Variants in XIST observed in about 807,000 individuals in gnomAD.
XIST encodes the protein X inactive specific transcript (non-protein coding).
At chrX:73,849,166 G>C in exon 1 of XIST, 1 of 559,251 alleles carries the variant, frequency 1.8e-6, no homozygotes, top group East Asian at 3.2e-5. Context: ...TGATTAATGG[G>C]TGAGACAATT....
chrX:73,821,895 G>C, exon 6 of XIST: 1 of 554,462 alleles, frequency 1.8e-6, no homozygotes, highest in Non-Finnish European at 3.3e-6. Flanking sequence ...GAGCAGATTT[G>C]ATGATAAAAA....
chrX:73,820,749 G>A (rs1922090621), exon 6 of XIST: 1 of 556,601 alleles, frequency 1.8e-6, no homozygotes, highest in East Asian at 3.3e-5. Flanking sequence ...ACTTTCTGGT[G>A]GTCACCCATG....
exon 1 of XIST, chrX:73,843,581 G>C: frequency 1.8e-6 from 1 of 558,927 alleles, no homozygotes; most frequent in Non-Finnish European, 3.2e-6. Flanking sequence ...TAGTCTAAAA[G>C]AAGAGGTGGA....
At chrX:73,821,506 T>A (rs761770648) in exon 6 of XIST, 2 of 557,858 alleles carry the variant, frequency 3.6e-6, no homozygotes, top group Non-Finnish European at 6.5e-6. Context: ...TTTTCAAAAA[T>A]GTAAAGCAAA....
rs1049196858 is a variant in XIST, at chrX:73,825,016, T to A, written n.14885A>T. 2.3e-5 allele frequency: 12 copies of A among 513,757 alleles called. No individual in the cohort carries two copies. The Admixed American group carries it at 2.4e-4, about 10-fold the overall frequency. The allele number at this position is 513,757 out of a possible 1,213,427, so 42.3% of individuals were successfully genotyped here. On this transcript the variant is annotated non_coding_transcript_exon_variant, in exon 6 of 6. Coordinates refer to ENST00000429829, the Ensembl canonical transcript of XIST. ...TTCATAAATATGTAGCCCATTGACA[T>A]TTGTATCATGCTTTAGTTTACAAAG...
exon 1 of XIST, chrX:73,842,694 G>A (rs771756351): frequency 3.6e-6 from 2 of 556,252 alleles, no homozygotes; most frequent in Admixed American, 4.5e-5. Flanking sequence ...AAAGGAAGTA[G>A]AGGGGTTCAT....
chrX:73,848,070 T>C (rs1456656087), exon 1 of XIST: 15 of 557,230 alleles, frequency 2.7e-5, no homozygotes, highest in Middle Eastern at 3.1e-4. Flanking sequence ...GAGGGACAAA[T>C]GCAAGTAGCA....
chrX:73,851,232 C>T (rs761574481), exon 1 of XIST: 3 of 558,237 alleles, frequency 5.4e-6, no homozygotes, highest in Middle Eastern at 3.1e-4. Flanking sequence ...GCGGCAAGCC[C>T]GCCATGATGT....
At chrX:73,835,301 G>A (rs1922462415) in intron 2 of XIST, among the ~76,000 whole-genome samples, 1 of 112,033 alleles carries the variant, frequency 8.9e-6, no homozygotes, top group Admixed American at 9.5e-5. Flanking sequence ...TTCTAGTTTT[G>A]TTGCCTGGGG....
At chrX:73,840,866 G>C (rs1476877422) in intron 1 of XIST, among the ~76,000 whole-genome samples, 1 of 111,243 alleles carries the variant, frequency 9.0e-6, no homozygotes, top group Non-Finnish European at 1.9e-5. Flanking sequence ...AAAAACAAAT[G>C]AAATTAAAAT....
At chrX:73,852,707 A>C (rs1006012765) in exon 1 of XIST, 9 of 437,915 alleles carry the variant, frequency 2.1e-5, no homozygotes, top group African/African-American at 2.0e-4. Flanking sequence ...CGAGAGAGTA[A>C]GAAATATGGC....
exon 6 of XIST, chrX:73,820,732 TAAG>T (rs1411985022): frequency 1.8e-6 from 1 of 557,456 alleles, no homozygotes; most frequent in Non-Finnish European, 3.2e-6. Flanking sequence ...CTAGATGGCT[TAAG>T]ATTACTTTCT....
chrX:73,841,784 T>C lies in XIST; in HGVS notation n.10940A>G, dbSNP rs755009846. ...TACTATAATTAAATGCTTCATTTTA[T>C]ATAATAATTAATAAAAAAGGTGGCA... is the stretch of plus-strand genomic sequence containing the variant. On this transcript the variant is annotated non_coding_transcript_exon_variant, in exon 1 of 6. Coordinates refer to ENST00000429829, the Ensembl canonical transcript of XIST. 161 of 494,673 alleles carry C rather than the reference T, an allele frequency of 3.3e-4. 1 individual carries two copies. The South Asian group carries it at 4.3e-3, about 13-fold the overall frequency. 40.8% of individuals were successfully genotyped at this position (494,673 alleles called of 1,213,427 possible).
exon 1 of XIST, chrX:73,845,171 G>T (rs1455776694): frequency 1.1e-5 from 6 of 555,269 alleles, no homozygotes. Context: ...CTGTCCAAAT[G>T]TAAGGGTCTT....
At chrX:73,843,101 C>G (rs755972514) in exon 1 of XIST, 6 of 556,010 alleles carry the variant, frequency 1.1e-5, no homozygotes, top group Non-Finnish European at 1.9e-5. Flanking sequence ...GGGGCGCTTG[C>G]TTAACAAGGT....
At chrX:73,830,737 G>A (rs1026443110) in intron 4 of XIST, among the ~76,000 whole-genome samples, 2 of 112,075 alleles carry the variant, frequency 1.8e-5, no homozygotes, top group African/African-American at 6.5e-5. Flanking sequence ...ACATGGAACA[G>A]AATGATTTGC....
At chrX:73,826,108 T>C (rs1922245470) in exon 6 of XIST, 2 of 557,534 alleles carry the variant, frequency 3.6e-6, no homozygotes, top group Admixed American at 2.2e-5. Context: ...CCCAGAATCC[T>C]GCTCACCTAA....
At chrX:73,839,038 T>A (rs2079554608) in intron 1 of XIST, among the ~76,000 whole-genome samples, 1 of 111,787 alleles carries the variant, frequency 8.9e-6, no homozygotes, top group Admixed American at 9.5e-5. Context: ...TAACGTATTT[T>A]TCCAGGATGC....
exon 6 of XIST, chrX:73,826,601 G>T (rs199765374): frequency 1.8e-6 from 1 of 557,772 alleles, no homozygotes; most frequent in Non-Finnish European, 3.2e-6. Flanking sequence ...AAATATCTAA[G>T]AGTAAGAAGT....
Sources: allele counts gnomAD v4.1 joint callset (sites outside exome capture counted in the v4.1 genomes callset), GRCh38; gene constraint gnomAD v4.1.1; transcripts MANE v1.5; gene names NCBI Gene and HGNC (gene_info 2026-07-23, HGNC 2026-07-21).